Variants in ERC1 observed in about 807,000 individuals in gnomAD.
The protein encoded by ERC1 is RAB6 interacting protein 2.
ERC1 carries 56 observed loss-of-function variants against 132.0 expected under a neutral mutation model. The ratio of observed to expected loss-of-function variants is 0.42; its 90% CI spans 0.34 to 0.53. ERC1 has a LOEUF of 0.53. ERC1 is among the 20% of genes least tolerant of loss of function. ERC1 has a pLI of 0.03. For missense variants in ERC1, 1,202 were observed against 1,349.9 expected, an observed-to-expected ratio of 0.89 and a Z score of 1.72; for synonymous variants, 478 against 476.1, an observed-to-expected ratio of 1.00 and a Z score of -0.05.
chr12:1,025,645 A>G (rs766435572), intron 1 of ERC1, among the ~76,000 whole-genome samples: 2 of 152,174 alleles, frequency 1.3e-5, no homozygotes, highest in South Asian at 2.1e-4. Context: ...TTGGTGTACT[A>G]TGTGAAGACG....
chr12:1,248,089 A>C (rs1479737695), intron 13 of ERC1, among the ~76,000 whole-genome samples: 2 of 152,236 alleles, frequency 1.3e-5, no homozygotes, highest in East Asian at 1.9e-4. Flanking sequence ...TAATATGGCT[A>C]TTATCAGTAG....
chr12:1,419,935 G>A (rs1280790569), intron 17 of ERC1, among the ~76,000 whole-genome samples: 1 of 150,346 alleles, frequency 6.7e-6, no homozygotes. Flanking sequence ...TTAGTGAAAA[G>A]AGGCACCTTC....
intron 15 of ERC1, among the ~76,000 whole-genome samples, chr12:1,343,733 A>G (rs997056178): frequency 2.0e-5 from 3 of 152,210 alleles, no homozygotes; most frequent in African/African-American, 7.2e-5. Flanking sequence ...AACACATCAT[A>G]TAATGCCAGT....
chr12:1,377,310 A>T (rs2088055183), intron 16 of ERC1, among the ~76,000 whole-genome samples: 1 of 152,224 alleles, frequency 6.6e-6, no homozygotes, highest in South Asian at 2.1e-4. Flanking sequence ...AAAGCTGAGT[A>T]CTTTGACATT....
intron 7 of ERC1, among the ~76,000 whole-genome samples, chr12:1,135,366 C>T (rs758094339): frequency 2.0e-5 from 3 of 152,142 alleles, no homozygotes; most frequent in Non-Finnish European, 4.4e-5. Context: ...GTCTCTTTCT[C>T]TATGTGTACA....
At chr12:991,099 C>T (rs1419124915), upstream of ERC1, 2 of 151,438 alleles carry the variant, frequency 1.3e-5, no homozygotes, top group Non-Finnish European at 3.0e-5. Flanking sequence ...CCGCGTCACG[C>T]TCCCGGGAGG....
At chr12:1,453,755 G>A (rs1223963341) in intron 18 of ERC1, among the ~76,000 whole-genome samples, 2 of 152,068 alleles carry the variant, frequency 1.3e-5, no homozygotes, top group African/African-American at 4.8e-5. Flanking sequence ...GAAAAATATG[G>A]AGATTAATAT....
intron 14 of ERC1, among the ~76,000 whole-genome samples, chr12:1,276,272 T>C (rs2078260621): frequency 6.6e-6 from 1 of 151,502 alleles, no homozygotes; most frequent in African/African-American, 2.4e-5. Context: ...AGTCTCTCTC[T>C]GTTGCCCAGG....
At chr12:1,184,164 GAA>G (rs1954810423) in intron 11 of ERC1, among the ~76,000 whole-genome samples, 1 of 147,022 alleles carries the variant, frequency 6.8e-6, no homozygotes, top group Non-Finnish European at 1.5e-5. Flanking sequence ...AAAAAAAAAA[GAA>G]TAAGTGGGAG....
intron 18 of ERC1, among the ~76,000 whole-genome samples, chr12:1,488,545 T>C (rs541125993): frequency 1.3e-5 from 2 of 152,174 alleles, no homozygotes; most frequent in Admixed American, 1.3e-4. Flanking sequence ...ATTTAAAACA[T>C]TGGCCTGACA....
At chr12:1,228,438 T>A (rs1205556615) in intron 12 of ERC1, among the ~76,000 whole-genome samples, 2 of 101,376 alleles carry the variant, frequency 2.0e-5, no homozygotes, top group African/African-American at 5.0e-5. Context: ...ACAATTTTTT[T>A]ATGCAGGCTT....
At chr12:1,328,887 A>G (rs1171843908) in intron 15 of ERC1, among the ~76,000 whole-genome samples, 1 of 119,822 alleles carries the variant, frequency 8.3e-6, no homozygotes, top group Non-Finnish European at 1.7e-5. Flanking sequence ...GGAATAAGAC[A>G]GCCTCTGTTC....
intron 16 of ERC1, among the ~76,000 whole-genome samples, chr12:1,394,046 C>CAAAAAAAAAAAAAAAAAAAA (rs1555389413): frequency 1.4e-5 from 1 of 70,810 alleles, no homozygotes; most frequent in African/African-American, 5.0e-5. Flanking sequence ...AAAAAAAAAC[C>CAAAAAAAAAAAAAAAAAAAA]ACAAAGCATT....
At chr12:1,343,379 A>T (rs2084106675) in intron 15 of ERC1, among the ~76,000 whole-genome samples, 1 of 152,156 alleles carries the variant, frequency 6.6e-6, no homozygotes, top group African/African-American at 2.4e-5. Flanking sequence ...TTTATATTTC[A>T]GTTCCAGTGC....
At chr12:1,080,992 T>C (rs1942113901) in intron 2 of ERC1, among the ~76,000 whole-genome samples, 1 of 152,090 alleles carries the variant, frequency 6.6e-6, no homozygotes, top group Non-Finnish European at 1.5e-5. Context: ...ATTTAAAGTA[T>C]GAGGGATCTG....
At chr12:1,473,515 G>A (rs1368979542) in intron 18 of ERC1, among the ~76,000 whole-genome samples, 3 of 151,788 alleles carry the variant, frequency 2.0e-5, no homozygotes, top group East Asian at 3.9e-4. Flanking sequence ...CCGTAGTCCC[G>A]GCTACTCAGC....
At chr12:1,393,749 C>A (rs1353409976) in intron 16 of ERC1, among the ~76,000 whole-genome samples, 1 of 151,564 alleles carries the variant, frequency 6.6e-6, no homozygotes, top group Non-Finnish European at 1.5e-5. Flanking sequence ...AAAGCATTGC[C>A]AGGCATGGTG....
At chr12:1,353,222 G>T (rs1768201176) in intron 15 of ERC1, among the ~76,000 whole-genome samples, 1 of 151,980 alleles carries the variant, frequency 6.6e-6, no homozygotes, top group South Asian at 2.1e-4. Flanking sequence ...AGTAGAGATG[G>T]GGTTTCACCG....
intron 15 of ERC1, among the ~76,000 whole-genome samples, chr12:1,362,309 G>A (rs1156273621): frequency 6.6e-6 from 1 of 152,110 alleles, no homozygotes; most frequent in Admixed American, 6.5e-5. Flanking sequence ...CATTCACCAG[G>A]TCTTATGAGT....
Sources: gnomAD v4.1 joint callset for allele counts (sites outside exome capture counted in the v4.1 genomes callset) on GRCh38, gnomAD v4.1.1 for gene constraint, MANE v1.5 for transcripts, NCBI Gene and HGNC (gene_info 2026-07-23, HGNC 2026-07-21) for gene names.